FRYL: variants seen among roughly 807,000 people sequenced by gnomAD.
The protein encoded by FRYL is protein furry homolog-like.
A neutral mutation model predicts 351.2 loss-of-function variants in FRYL; 150 were observed. The ratio of observed to expected loss-of-function variants is 0.43; its 90% confidence interval spans 0.37 to 0.49. FRYL has a LOEUF of 0.49. Ranked by LOEUF, FRYL falls within the 20% of genes least tolerant of loss-of-function variation. The probability of loss-of-function intolerance (pLI) is 0.00; values close to 1 mark genes in which losing one functional copy is unlikely to be tolerated. For missense variants in FRYL, 3,036 were observed against 3,619.3 expected (o/e 0.84, Z 4.13); for synonymous variants, 1,153 against 1,257.1 (o/e 0.92, Z 1.75).
intron 19 of FRYL, 136 bp from the exon 20 acceptor site, chr4:48,582,870 T>C (rs1741220328): frequency 1.5e-6 from 1 of 659,216 alleles, no homozygotes; most frequent in African/African-American, 1.8e-5. Context: ...CAACCAATGA[T>C]CACTTTTTCA....
At chr4:48,581,359 G>C in intron 21 of FRYL, 61 bp downstream of exon 21, 10 of 1,448,606 alleles carry the variant, frequency 6.9e-6, no homozygotes, top group Non-Finnish European at 8.5e-6. Context: ...GATAAGGATG[G>C]ACAAAGAGAT....
intron 15 of FRYL, among the ~76,000 whole-genome samples, chr4:48,594,402 G>C (rs573628170): frequency 1.3e-5 from 2 of 152,094 alleles, no homozygotes; most frequent in African/African-American, 4.8e-5. Flanking sequence ...AATCTCCCGG[G>C]GGGTGGGGGG....
chr4:48,551,480 A>G lies in FRYL; in HGVS notation c.4520+14T>C. 6.6e-7 allele frequency: 1 copy of G among 1,506,828 alleles called. No homozygotes were observed. Among genetic ancestry groups the G allele is most frequent in the Non-Finnish European group, 9.2e-7 (1 of 1,087,260 alleles). 93.3% of individuals were successfully genotyped at this position (1,506,828 alleles called of 1,614,324 possible). ...TCAAACTGAAAGGCTAATACAGAAC[A>G]GAGAAGTACTTACCTCTCTTCAATA... On this transcript the variant is annotated intron_variant, in intron 37 of 63. Transcript: ENST00000358350.
rs1490824590 is a variant in FRYL at position 48,522,805 on chromosome 4, T to C, written c.7521+96A>G. 3.3e-6 allele frequency: 3 copies of C among 901,808 alleles called. No homozygotes were observed. In the Admixed American group the frequency reaches 5.1e-5, roughly 15 times the overall value. The allele number at this position is 901,808 out of a possible 1,614,324, so 55.9% of individuals were successfully genotyped here. ...AATCTTGTAGATTCATTTCAGTGTGTGCATTTCACCCATGCACAAGAAATA... is the reference window on the plus strand; with the variant it reads ...AATCTTGTAGATTCATTTCAGTGTGCGCATTTCACCCATGCACAAGAAATA... On this transcript the variant is annotated intron_variant, in intron 54 of 63. Transcript: ENST00000358350.
intron 1 of FRYL, among the ~76,000 whole-genome samples, chr4:48,768,322 C>T (rs1454134483): frequency 6.6e-6 from 1 of 152,208 alleles, no homozygotes; most frequent in African/African-American, 2.4e-5. Flanking sequence ...AATATTAATA[C>T]ATCAAAATAC....
chr4:48,570,799 G>T, intron 27 of FRYL, 28 bp downstream of exon 27: 1 of 1,503,680 alleles, frequency 6.7e-7, no homozygotes, highest in Non-Finnish European at 9.3e-7. Context: ...TCATTCCAGA[G>T]TTTTAACAAT....
Position 48,549,080 on chromosome 4 carries a change from CAT to C in FRYL, c.4785-289_4785-288del, listed in dbSNP as rs951589679. On this transcript the variant is annotated intron_variant, in intron 39 of 63. Coordinates refer to ENST00000358350, the MANE Select transcript of FRYL (RefSeq NM_015030.2). The surrounding 1 kb of genome is among the most constrained non-coding windows in gnomAD (Gnocchi z 4.2). ...TGCTTGCCACAGTAGGTGTTCAATA[CAT>C]GTTTGGTGCATTAATACATTTTGAA... Among the ~76,000 whole-genome samples, 5 of 152,268 alleles carry C rather than the reference CAT, an allele frequency of 3.3e-5. No individual in the cohort carries two copies. The highest frequency in any genetic ancestry group is 6.5e-5 in the Admixed American group (1 of 15,288).
At chr4:48,711,363 A>C (rs970419264) in intron 1 of FRYL, among the ~76,000 whole-genome samples, 3 of 152,288 alleles carry the variant, frequency 2.0e-5, no homozygotes, top group Non-Finnish European at 4.4e-5. Flanking sequence ...TCCCACTCAA[A>C]TACTGCGCTT....
At chr4:48,648,705 A>G (rs1349943329) in intron 3 of FRYL, among the ~76,000 whole-genome samples, 3 of 152,218 alleles carry the variant, frequency 2.0e-5, no homozygotes, top group Non-Finnish European at 2.9e-5. Flanking sequence ...AACATTATTC[A>G]ATACATGTTA....
chr4:48,713,155 G>A (rs572280642), intron 1 of FRYL, among the ~76,000 whole-genome samples: 10 of 151,668 alleles, frequency 6.6e-5, no homozygotes, highest in Non-Finnish European at 1.3e-4. Flanking sequence ...TCGAGACTAG[G>A]AAGAAACTGC....
At chr4:48,614,274 G>C (rs904146776) in intron 7 of FRYL, among the ~76,000 whole-genome samples, 8 of 152,008 alleles carry the variant, frequency 5.3e-5, no homozygotes, top group African/African-American at 1.7e-4. Flanking sequence ...AGAAGAAAGA[G>C]AAAAGAATCT....
intron 1 of FRYL, among the ~76,000 whole-genome samples, chr4:48,722,047 C>T (rs763987922): frequency 7.2e-5 from 11 of 152,056 alleles, no homozygotes; most frequent in Non-Finnish European, 2.9e-5. Flanking sequence ...TTGGGTAAAG[C>T]GTAGAAGATA....
intron 2 of FRYL, among the ~76,000 whole-genome samples, chr4:48,705,321 T>A (rs1173029139): frequency 2.6e-5 from 4 of 151,746 alleles, no homozygotes; most frequent in African/African-American, 9.7e-5. Context: ...GCTATATATA[T>A]ATAGCAAAAG....
intron 33 of FRYL, among the ~76,000 whole-genome samples, chr4:48,559,864 A>G (rs2149044965): frequency 6.6e-6 from 1 of 152,324 alleles, no homozygotes; most frequent in African/African-American, 2.4e-5. Context: ...TTAAAGAAAT[A>G]TAAGATGGCT....
intron 1 of FRYL, among the ~76,000 whole-genome samples, chr4:48,757,767 T>G (rs4694903): frequency 6.6e-6 from 1 of 152,150 alleles, no homozygotes. Context: ...AAAAAGAGCC[T>G]GCATCGCCAA....
intron 2 of FRYL, among the ~76,000 whole-genome samples, chr4:48,688,572 C>T (rs1178614208): frequency 6.6e-6 from 1 of 151,546 alleles, no homozygotes; most frequent in Non-Finnish European, 1.5e-5. Flanking sequence ...TCTTCAATTG[C>T]TAAGTAATTC....
intron 54 of FRYL, 108 bp downstream of exon 54, chr4:48,522,793 C>G: frequency 3.5e-6 from 3 of 846,282 alleles, no homozygotes; most frequent in Non-Finnish European, 6.1e-6. Flanking sequence ...CTTGTAGATT[C>G]ATTTCAGTGT....
chr4:48,589,314 T>C (rs963270063), intron 18 of FRYL, among the ~76,000 whole-genome samples: 3 of 152,026 alleles, frequency 2.0e-5, no homozygotes, highest in African/African-American at 7.2e-5. Flanking sequence ...TGCTCATATG[T>C]TATTCCTCTC....
At chr4:48,764,053 C>T (rs995325087) in intron 1 of FRYL, among the ~76,000 whole-genome samples, 2 of 152,018 alleles carry the variant, frequency 1.3e-5, no homozygotes, top group African/African-American at 4.8e-5. Flanking sequence ...GCCTGTAATC[C>T]CAGCTACTCG....
Sources: gnomAD v4.1 joint callset for allele counts (sites outside exome capture counted in the v4.1 genomes callset) on GRCh38, gnomAD v4.1.1 for gene constraint, Gnocchi (gnomAD v3.1) non-coding constraint, MANE v1.5 for transcripts, NCBI Gene and HGNC (gene_info 2026-07-23, HGNC 2026-07-21) for gene names.